The following ARIH1 variants were observed in gnomAD, a reference collection of about 807,000 sequenced individuals.
ARIH1 encodes the protein E3 ubiquitin-protein ligase ARIH1.
A neutral mutation model predicts 85.0 loss-of-function variants in ARIH1; 8 were observed. That is an observed-to-expected ratio of 0.09 (90% CI 0.06 to 0.17). The LOEUF (loss-of-function observed/expected upper bound fraction) is 0.17. Among genes scored for constraint, ARIH1 ranks in the 10% least tolerant of loss-of-function variants. ARIH1 has a pLI of 1.00. For synonymous variants in ARIH1, 238 were observed against 253.6 expected (o/e 0.94, Z 0.59); for missense variants, 311 against 718.1 (o/e 0.43, Z 6.48).
In ARIH1 at chr15:72,566,544, T is replaced by G; in HGVS notation, c.912-19T>G. On this transcript the variant is annotated intron_variant, in intron 7 of 13. Transcript: ENST00000379887. ...GTAGGTAGGCCTTAATTCTATTAAC[T>G]CTTTGTGTCACTTAACAGCTTTAAC... 6.2e-7 allele frequency: 1 copy of G among 1,607,974 alleles called. No homozygotes were observed. The highest frequency in any genetic ancestry group is 8.5e-7 in the Non-Finnish European group (1 of 1,175,236).
chr15:72,523,221 C>T (rs1010572919), intron 2 of ARIH1, among the ~76,000 whole-genome samples: 2 of 152,114 alleles, frequency 1.3e-5, no homozygotes, highest in African/African-American at 2.4e-5. Context: ...TTCATAATTG[C>T]CAAAACTTGG....
At position 72,570,408 on chromosome 15, in the gene ARIH1, G is replaced by A. The variant is rs149718748; in HGVS notation, c.1157+101G>A. The stretch of plus-strand genomic sequence containing the variant: ...ATAGATATCACCATCTAACTTGCAA[G>A]CTAAATAAATACATAGTGTGTGATT... On this transcript the variant is annotated intron_variant, in intron 10 of 13. Transcript: ENST00000379887. The A allele has an allele frequency of 9.1e-3, 12,929 of 1,417,844 alleles. 81 individuals are homozygous for A. The highest frequency in any genetic ancestry group is 0.011 in the Non-Finnish European group (11,089 of 1,032,070). 87.8% of individuals were successfully genotyped at this position (1,417,844 alleles called of 1,614,324 possible).
chr15:72,561,618 T>G (rs553770369), intron 6 of ARIH1, 69 bp downstream of exon 6: 1 of 926,220 alleles, frequency 1.1e-6, no homozygotes, highest in South Asian at 1.7e-5. Flanking sequence ...TTTTAAAAAT[T>G]ATAATTTATT....
chr15:72,535,654 C>T lies in ARIH1; in HGVS notation c.444-9166C>T, dbSNP rs1261999220. ...ATTTCTTTTTATATACTTGAAGAAA[C>T]GATATTTCTCTTCAGTTGGAATGAG... On this transcript the variant is annotated intron_variant, in intron 2 of 13. Transcript: ENST00000379887. Among the ~76,000 whole-genome samples, 4 of 152,002 alleles carry T rather than the reference C, an allele frequency of 2.6e-5. 1 individual carries two copies. Among genetic ancestry groups the T allele is most frequent in the South Asian group, 4.1e-4 (2 of 4,822 alleles).
chr15:72,479,959 C>T (rs1168782340), intron 1 of ARIH1, among the ~76,000 whole-genome samples: 1 of 151,928 alleles, frequency 6.6e-6, no homozygotes, highest in African/African-American at 2.4e-5. Flanking sequence ...GCTCCGCCTC[C>T]TGGGTTCACG....
intron 2 of ARIH1, among the ~76,000 whole-genome samples, chr15:72,532,268 A>G (rs1025070058): frequency 3.3e-5 from 5 of 152,026 alleles, no homozygotes; most frequent in Admixed American, 2.6e-4. Context: ...GAGTATCACT[A>G]GGATCTTGTG....
chr15:72,518,744 C>T (rs919779977), intron 2 of ARIH1, among the ~76,000 whole-genome samples: 4 of 149,356 alleles, frequency 2.7e-5, no homozygotes, highest in South Asian at 2.1e-4. Flanking sequence ...GCAGAGATGG[C>T]GCTACTACAC....
rs2064298354 is a variant in ARIH1, at chr15:72,582,351, G to A, written c.1589+164G>A. Among the ~76,000 whole-genome samples the A allele has an allele frequency of 6.6e-6, 1 of 152,152 alleles. No homozygotes were observed. The highest frequency in any genetic ancestry group is 1.5e-5 in the Non-Finnish European group (1 of 68,028). On this transcript the variant is annotated intron_variant, in intron 13 of 13. Coordinates refer to ENST00000379887, the MANE Select transcript of ARIH1 (RefSeq NM_005744.5). This position sits in a 1 kb window ranked among gnomAD's most constrained non-coding sequence, Gnocchi z 4.6. ...GTTGGGCACTAAATTGCAGGTAATA[G>A]TATTGGTGAAGCATACATAGAGAAG...
intron 1 of ARIH1, 98 bp from the exon 2 acceptor site, chr15:72,517,969 G>A (rs935345341): frequency 3.9e-6 from 3 of 771,130 alleles, no homozygotes; most frequent in Non-Finnish European, 6.4e-6. Context: ...GGAAATTTGG[G>A]TGGAGTATTG....
At chr15:72,528,530 A>G (rs2064040255) in intron 2 of ARIH1, among the ~76,000 whole-genome samples, 2 of 152,192 alleles carry the variant, frequency 1.3e-5, no homozygotes, top group South Asian at 4.1e-4. Context: ...ATTTATCACT[A>G]TTCTACAATA....
chr15:72,515,300 C>T (rs2063970204), intron 1 of ARIH1, among the ~76,000 whole-genome samples: 1 of 152,162 alleles, frequency 6.6e-6, no homozygotes, highest in African/African-American at 2.4e-5. Flanking sequence ...CGTGCCATTG[C>T]ACTCCAGCCT....
At chr15:72,540,220 T>C (rs1234356413) in intron 2 of ARIH1, among the ~76,000 whole-genome samples, 3 of 139,444 alleles carry the variant, frequency 2.2e-5, no homozygotes, top group Non-Finnish European at 4.5e-5. Flanking sequence ...ATTGCACCAT[T>C]GTACTCCAGC....
chr15:72,517,317 T>A (rs2063979507), intron 1 of ARIH1, among the ~76,000 whole-genome samples: 1 of 152,214 alleles, frequency 6.6e-6, no homozygotes, highest in African/African-American at 2.4e-5. Flanking sequence ...TTGTCCAGGC[T>A]TCACTCGAAC....
chr15:72,573,336 G>A (rs12910393), intron 11 of ARIH1, among the ~76,000 whole-genome samples: 110,712 of 152,078 alleles, frequency 0.73, 46,850 homozygotes, highest in Non-Finnish European at 0.93. Context: ...CGAGGCAGGC[G>A]GATCACCTGA....
chr15:72,513,380 C>T lies in ARIH1; in HGVS notation c.376-4687C>T, dbSNP rs570495784. 2.6e-5 allele frequency among the ~76,000 whole-genome samples: 4 copies of T among 152,218 alleles called. No homozygotes were observed. In the East Asian group the frequency reaches 5.8e-4, roughly 22 times the overall value. ...CTAGTTAAGGTAAATATTTTACCTT[C>T]TCAAAGTAAAACAGGTTTTTTTCCT... On this transcript the variant is annotated intron_variant, in intron 1 of 13. Coordinates refer to ENST00000379887, the MANE Select transcript of ARIH1 (RefSeq NM_005744.5).
Position 72,474,925 on chromosome 15 carries a change from G to C in ARIH1, c.286G>C (p.Glu96Gln). ...TGGTGGCGGGCCGGGGCATGAGCAG[G>C]AGGAGGATTACCGCTACGAGGTGCT... ...GGGGGPGHEQ[E>Q]EDYRYEVLTA... The change falls in exon 1 of 14, where the codon GAG becomes CAG. Residue 96 changes from glutamate (E) to glutamine (Q), a missense_variant. Coordinates refer to ENST00000379887, the MANE Select transcript of ARIH1 (RefSeq NM_005744.5). 1 of 1,524,712 alleles carries C rather than the reference G, an allele frequency of 6.6e-7. No individual in the cohort carries two copies. Among genetic ancestry groups the C allele is most frequent in the Non-Finnish European group, 8.8e-7 (1 of 1,134,394 alleles). The allele number at this position is 1,524,712 out of a possible 1,614,324, so 94.4% of individuals were successfully genotyped here.
intron 2 of ARIH1, among the ~76,000 whole-genome samples, chr15:72,531,349 C>T (rs776360645): frequency 3.3e-5 from 5 of 152,114 alleles, no homozygotes; most frequent in Non-Finnish European, 7.4e-5. Flanking sequence ...CTCAGTGCAG[C>T]TTGCACCTCC....
intron 1 of ARIH1, among the ~76,000 whole-genome samples, chr15:72,512,812 A>G (rs992078899): frequency 2.0e-5 from 3 of 152,066 alleles, no homozygotes; most frequent in Non-Finnish European, 4.4e-5. Flanking sequence ...TAGGCTGTCT[A>G]CATATTCAGT....
At chr15:72,549,934 A>G (rs1056009568) in intron 3 of ARIH1, among the ~76,000 whole-genome samples, 8 of 152,230 alleles carry the variant, frequency 5.3e-5, no homozygotes, top group African/African-American at 1.9e-4. Context: ...CCAGGGAGCC[A>G]TGTAGGTGAA....
Sources: allele counts gnomAD v4.1 joint callset (sites outside exome capture counted in the v4.1 genomes callset), GRCh38; gene constraint gnomAD v4.1.1; non-coding constraint Gnocchi (gnomAD v3.1); transcripts MANE v1.5; gene names NCBI Gene and HGNC (gene_info 2026-07-23, HGNC 2026-07-21).